The following COCH variants were observed in gnomAD, a reference collection of about 807,000 sequenced individuals.
The protein encoded by COCH is cochlin, also known as coagulation factor C homolog, cochlin (Limulus polyphemus).
COCH carries 40 observed loss-of-function variants against 54.8 expected under a neutral mutation model. The observed-to-expected ratio is 0.73, with a 90% CI of 0.57 to 0.95. The LOEUF is 0.95. Ranked by LOEUF, COCH falls within the 40% of genes least tolerant of loss-of-function variation. COCH has a pLI of 0.00. For missense variants in COCH, 605 were observed against 675.0 expected, an observed-to-expected ratio of 0.90 and a Z score of 1.15; for synonymous variants, 256 against 237.9, an observed-to-expected ratio of 1.08 and a Z score of -0.70.
rs780799312 is a variant in COCH at position 30,877,539 on chromosome 14, G to A, written c.83-33G>A. 4 of 1,612,608 alleles carry A rather than the reference G, an allele frequency of 2.5e-6. No homozygotes were observed. The South Asian group carries it at 4.4e-5, about 18-fold the overall frequency. On this transcript the variant is annotated intron_variant, in intron 3 of 11. Coordinates refer to ENST00000396618, the MANE Select transcript of COCH (RefSeq NM_004086.3). This position sits in a 1 kb window ranked among gnomAD's most constrained non-coding sequence, Gnocchi z 8.6. The stretch of plus-strand genomic sequence containing the variant: ...ACCACTATGCCCCAAGAAGTCCTAA[G>A]AATGCTTACAATATTATCTCCTTTT...
rs946045347 is a variant in COCH at position 30,885,553 on chromosome 14, T to C, written c.893T>C (p.Ile298Thr). 3.1e-6 allele frequency: 5 copies of C among 1,613,374 alleles called. No individual in the cohort carries two copies. Among genetic ancestry groups the C allele is most frequent in the East Asian group, 2.2e-5 (1 of 44,896 alleles). The change falls in exon 10 of 12, where the codon ATA (isoleucine) becomes ACA (threonine). Residue 298 changes from isoleucine to threonine, a missense_variant. Transcript: ENST00000396618. ...VAREFGVNVF[I>T]VSVAKPIPEE... is the part of the protein sequence containing the mutation. ...AGAGAGTTTGGTGTCAATGTATTTA[T>C]AGTTTCTGTGGCCAAGCCTATCCCT...
At chr14:30,881,780 A>T (rs1317659538) in intron 8 of COCH, among the ~76,000 whole-genome samples, 167 of 151,448 alleles carry the variant, frequency 1.1e-3, no homozygotes, top group African/African-American at 3.8e-3. Flanking sequence ...AACACGGGGA[A>T]ACCCCGTCTC....
intron 3 of COCH, 177 bp downstream of exon 3, chr14:30,875,280 C>A (rs1217431563): frequency 3.4e-6 from 3 of 888,530 alleles, no homozygotes; most frequent in Admixed American, 2.6e-5. Flanking sequence ...TCTGCTCCTG[C>A]TCACCTGTTT....
intron 8 of COCH, 145 bp from the exon 9 acceptor site, chr14:30,884,408 G>A (rs1895711768): frequency 1.6e-6 from 1 of 635,290 alleles, no homozygotes; most frequent in African/African-American, 1.8e-5. Context: ...AAGTAAGGAT[G>A]CAATGCCTCA....
chr14:30,894,489 G>A (rs1178754174), downstream of COCH: 1 of 152,626 alleles, frequency 6.6e-6, no homozygotes, highest in Non-Finnish European at 1.5e-5. Flanking sequence ...AAATAAACTT[G>A]TAAATACAGT....
rs1037985775 is a variant in COCH at position 30,885,640 on chromosome 14, C to T, written c.960+20C>T. The stretch of plus-strand genomic sequence containing the variant: ...GACAAGGTAAAGTGGTGAGGGTTAT[C>T]TTCTGTTACAGTGATGGGTATTCCA... On this transcript the variant is annotated intron_variant, in intron 10 of 11. Coordinates refer to ENST00000396618, the MANE Select transcript of COCH (RefSeq NM_004086.3). 7.9e-6 allele frequency: 12 copies of T among 1,521,734 alleles called. No homozygotes were observed. Among genetic ancestry groups the T allele is most frequent in the Non-Finnish European group, 1.0e-5 (11 of 1,095,968 alleles). The allele number at this position is 1,521,734 out of a possible 1,614,324, so 94.3% of individuals were successfully genotyped here. A position where few individuals can be genotyped will look rare whatever the true frequency, so the allele number is the denominator to read the frequency against.
chr14:30,875,950 T>G (rs1895344772), intron 3 of COCH: 2 of 152,158 alleles, frequency 1.3e-5, no homozygotes, highest in African/African-American at 4.8e-5. Flanking sequence ...GATTTTAACC[T>G]CTCAGCTCTC....
At chr14:30,885,315 G>C in intron 9 of COCH, 79 bp from the exon 10 acceptor site, 1 of 1,246,834 alleles carries the variant, frequency 8.0e-7, no homozygotes, top group South Asian at 1.2e-5. Flanking sequence ...AAACTTTGCA[G>C]CATCAAATGC....
chr14:30,891,233 G>A (rs1370742493), downstream of COCH, among the ~76,000 whole-genome samples: 1 of 151,992 alleles, frequency 6.6e-6, no homozygotes, highest in Non-Finnish European at 1.5e-5. Flanking sequence ...AGAACATCAG[G>A]ACTCCCTTAA....
At chr14:30,895,252 T>C (rs1417529746), downstream of COCH, 4 of 732,146 alleles carry the variant, frequency 5.5e-6, no homozygotes, top group Non-Finnish European at 6.4e-6. Context: ...CTTAATGAGC[T>C]TGACATTAAG....
intron 1 of COCH, 88 bp from the exon 2 acceptor site, chr14:30,874,828 C>G (rs530652156): frequency 1.5e-6 from 2 of 1,298,160 alleles, no homozygotes; most frequent in Non-Finnish European, 2.2e-6. Flanking sequence ...GCGCCGCGCC[C>G]GGGGATCCGA....
downstream of COCH, chr14:30,893,973 A>T (rs1566419866): frequency 6.6e-6 from 1 of 152,588 alleles, no homozygotes; most frequent in Non-Finnish European, 1.5e-5. Flanking sequence ...AATCTTAAAA[A>T]TTTGCTGATT....
downstream of COCH, chr14:30,894,661 T>G (rs1594398493): frequency 6.3e-6 from 1 of 157,484 alleles, no homozygotes; most frequent in South Asian, 1.8e-4. Flanking sequence ...AGCATCTTTA[T>G]GGAAGGACTT....
At chr14:30,889,287 A>G in intron 11 of COCH, 1 of 276,346 alleles carries the variant, frequency 3.6e-6, no homozygotes. Flanking sequence ...ACTGTGGATC[A>G]GGTTAAAAGT....
chr14:30,894,821 AT>A (rs1199936734), downstream of COCH: 1 of 425,782 alleles, frequency 2.3e-6, no homozygotes, highest in Non-Finnish European at 3.7e-6. Context: ...AAAAAGACTT[AT>A]AAAAACTAGA....
chr14:30,890,509 A>C lies in COCH; in HGVS notation c.*718A>C. The C allele has an allele frequency of 1.1e-6, 1 of 924,916 alleles. No homozygotes were observed. The highest frequency in any genetic ancestry group is 1.3e-6 in the Non-Finnish European group (1 of 775,508). 57.3% of individuals were successfully genotyped at this position (924,916 alleles called of 1,614,324 possible). On this transcript the variant is annotated 3_prime_UTR_variant, in exon 12 of 12. Transcript: ENST00000396618. Reference sequence around the variant, plus strand: ...TACTTAAAAGTTAAGTTGGTAAAGTATTTACTGACTGCTTATAAACATTTA... The same window carrying C: ...TACTTAAAAGTTAAGTTGGTAAAGTCTTTACTGACTGCTTATAAACATTTA...
rs1286541093 is a variant in COCH at position 30,885,392 on chromosome 14, AGGAAAAGCCTT to A, written c.734_744del (p.Gly245GlufsTer27). On this transcript the variant is annotated splice_acceptor_variant and coding_sequence_variant, in exon 10 of 12. Transcript: ENST00000396618. LOFTEE classifies it high-confidence loss of function. ...ATTTGTTTGCTTCTTTTTCAAATTT[AGGAAAAGCCTT>A]GAAGCATACTGCTCAGAAATTCTTC... The A allele has an allele frequency of 6.2e-7, 1 of 1,611,704 alleles. No homozygotes were observed. The highest frequency in any genetic ancestry group is 2.2e-5 in the East Asian group (1 of 44,890).
At chr14:30,893,641 T>C (rs1896051879), downstream of COCH, among the ~76,000 whole-genome samples, 3 of 152,194 alleles carry the variant, frequency 2.0e-5, no homozygotes, top group Admixed American at 2.0e-4. Flanking sequence ...CTGGGGGTTA[T>C]TTTGAATTGC....
downstream of COCH, among the ~76,000 whole-genome samples, chr14:30,892,583 CACCT>C (rs1896011006): frequency 2.0e-5 from 3 of 152,168 alleles, no homozygotes; most frequent in Non-Finnish European, 4.4e-5. Context: ...GCGGGTGGAT[CACCT>C]GAGGTGACTC....
Sources: gnomAD v4.1 joint callset for allele counts (sites outside exome capture counted in the v4.1 genomes callset) on GRCh38, gnomAD v4.1.1 for gene constraint, Gnocchi (gnomAD v3.1) non-coding constraint, MANE v1.5 for transcripts, NCBI Gene and HGNC (gene_info 2026-07-23, HGNC 2026-07-21) for gene names.